The following PDE7B variants were observed in gnomAD, a reference collection of about 807,000 sequenced individuals.
PDE7B encodes the protein phosphodiesterase 7B, also known as 3',5'-cyclic-AMP phosphodiesterase 7B.
A neutral mutation model predicts 56.2 loss-of-function variants in PDE7B; 29 were observed. That is an observed-to-expected ratio of 0.52 (90% CI 0.38 to 0.70). The LOEUF is 0.70. PDE7B is among the 30% of genes least tolerant of loss of function. The probability of loss-of-function intolerance (pLI) is 0.00; values close to 1 mark genes in which losing one functional copy is unlikely to be tolerated. For synonymous variants in PDE7B, 197 were observed against 196.9 expected, an observed-to-expected ratio of 1.00 and a Z score of 0.00; for missense variants, 490 against 565.0, an observed-to-expected ratio of 0.87 and a Z score of 1.35.
intron 3 of PDE7B, among the ~76,000 whole-genome samples, chr6:136,118,626 G>T (rs1263056902): frequency 6.6e-6 from 1 of 152,182 alleles, no homozygotes; most frequent in South Asian, 2.1e-4. Context: ...ATATATAATC[G>T]CAGAGCACAA....
chr6:136,123,677 T>G (rs1027391047), intron 3 of PDE7B, among the ~76,000 whole-genome samples: 1 of 152,236 alleles, frequency 6.6e-6, no homozygotes, highest in Non-Finnish European at 1.5e-5. Context: ...ATAACTTAAC[T>G]CTTCCCCAGT....
chr6:135,959,167 AAAC>A (rs1774853670), intron 2 of PDE7B, among the ~76,000 whole-genome samples: 1 of 152,168 alleles, frequency 6.6e-6, no homozygotes, highest in Non-Finnish European at 1.5e-5. Flanking sequence ...ACATCATTCT[AAAC>A]AAGGACCTGA....
intron 1 of PDE7B, among the ~76,000 whole-genome samples, chr6:135,886,066 A>G (rs1388110664): frequency 6.6e-6 from 1 of 152,204 alleles, no homozygotes; most frequent in Non-Finnish European, 1.5e-5. Flanking sequence ...AACCCCCGTC[A>G]CATTTTCTGA....
chr6:136,042,182 T>C (rs937309107), intron 2 of PDE7B, among the ~76,000 whole-genome samples: 4 of 152,214 alleles, frequency 2.6e-5, no homozygotes, highest in Admixed American at 2.6e-4. Flanking sequence ...TCCCCAACTG[T>C]TATCAATAGA....
chr6:135,981,094 C>G (rs1449855790), intron 2 of PDE7B, among the ~76,000 whole-genome samples: 1 of 150,820 alleles, frequency 6.6e-6, no homozygotes, highest in Non-Finnish European at 1.5e-5. Context: ...CCATGGAATA[C>G]TATGCAGCCA....
intron 2 of PDE7B, chr6:136,044,668 C>T (rs770985965): frequency 2.0e-5 from 3 of 152,158 alleles, no homozygotes; most frequent in Admixed American, 1.3e-4. Context: ...AATTTTAGAG[C>T]AAATGCATGC....
intron 8 of PDE7B, among the ~76,000 whole-genome samples, chr6:136,168,655 G>C (rs1359119652): frequency 6.6e-6 from 1 of 151,760 alleles, no homozygotes; most frequent in Non-Finnish European, 1.5e-5. Flanking sequence ...TGAAAGGAAT[G>C]ATTGGGCACA....
At position 136,147,372 on chromosome 6, in the gene PDE7B, T is replaced by C. The variant is rs769377349; in HGVS notation, c.188T>C (p.Ile63Thr). 1.2e-5 allele frequency: 19 copies of C among 1,612,872 alleles called. No individual in the cohort carries two copies. In the South Asian group the frequency reaches 1.2e-4, roughly 10 times the overall value. Residue 63 changes from isoleucine to threonine, a missense_variant, in exon 4 of 13, where the codon ATT becomes ACT. Ile to Thr is a moderately conservative substitution (Grantham distance 89). Transcript: ENST00000308191. Reference sequence around the variant, plus strand: ...ACAGGTACAACATACTCAGGGGAGATTGGCACCAAGAAAAAGGTGAAAAGA... The same window carrying C: ...ACAGGTACAACATACTCAGGGGAGACTGGCACCAAGAAAAAGGTGAAAAGA... The part of the protein sequence containing the change: ...LLNSTTYSGE[I>T]GTKKKVKRLL...
intron 3 of PDE7B, among the ~76,000 whole-genome samples, chr6:136,139,432 G>A (rs1392279364): frequency 2.6e-5 from 4 of 152,132 alleles, no homozygotes; most frequent in Admixed American, 6.6e-5. Flanking sequence ...GTAAACATAC[G>A]TGTGCATGTG....
chr6:136,134,075 G>A (rs1436620863), intron 3 of PDE7B, among the ~76,000 whole-genome samples: 1 of 152,104 alleles, frequency 6.6e-6, no homozygotes, highest in Non-Finnish European at 1.5e-5. Flanking sequence ...CTTGGAGCAG[G>A]GGGCTGACAT....
At chr6:136,167,459 C>T (rs1778812685) in intron 8 of PDE7B, among the ~76,000 whole-genome samples, 1 of 152,026 alleles carries the variant, frequency 6.6e-6, no homozygotes, top group Non-Finnish European at 1.5e-5. Context: ...GGGGAGGTTT[C>T]CTGCACAAGC....
intron 3 of PDE7B, among the ~76,000 whole-genome samples, chr6:136,146,878 G>A (rs1778420987): frequency 6.6e-6 from 1 of 152,076 alleles, no homozygotes; most frequent in South Asian, 2.1e-4. Context: ...TAATATATAA[G>A]AAATACTAGT....
intron 8 of PDE7B, among the ~76,000 whole-genome samples, chr6:136,166,665 T>A (rs1337925644): frequency 6.6e-6 from 1 of 152,090 alleles, no homozygotes; most frequent in African/African-American, 2.4e-5. Context: ...AAATCATTCA[T>A]GAGAAACCAC....
chr6:136,109,692 C>A (rs567716303), intron 3 of PDE7B, among the ~76,000 whole-genome samples: 1 of 152,312 alleles, frequency 6.6e-6, no homozygotes, highest in Admixed American at 6.5e-5. Context: ...TTTTGCTCAA[C>A]CTTTGGTCCA....
At chr6:136,117,389 A>G (rs1323134487) in intron 3 of PDE7B, among the ~76,000 whole-genome samples, 2 of 152,174 alleles carry the variant, frequency 1.3e-5, no homozygotes, top group Non-Finnish European at 2.9e-5. Context: ...GTTTCAGAAT[A>G]TCTAAGGGAT....
At chr6:136,028,197 C>T (rs1776185528) in intron 2 of PDE7B, among the ~76,000 whole-genome samples, 1 of 152,150 alleles carries the variant, frequency 6.6e-6, no homozygotes, top group Non-Finnish European at 1.5e-5. Context: ...GGTTCAACAG[C>T]CTCTGCAATC....
chr6:136,014,907 T>C (rs1775950902), intron 2 of PDE7B, among the ~76,000 whole-genome samples: 1 of 152,218 alleles, frequency 6.6e-6, no homozygotes, highest in Non-Finnish European at 1.5e-5. Flanking sequence ...CGATTGCATG[T>C]GAGGAGCTGC....
At chr6:135,995,573 G>C (rs978968829) in intron 2 of PDE7B, among the ~76,000 whole-genome samples, 2 of 148,406 alleles carry the variant, frequency 1.3e-5, no homozygotes, top group Non-Finnish European at 2.9e-5. Flanking sequence ...GAGGAGAATA[G>C]AAAATTAGTG....
At chr6:135,911,522 G>T (rs1776212080) in intron 1 of PDE7B, among the ~76,000 whole-genome samples, 1 of 152,228 alleles carries the variant, frequency 6.6e-6, no homozygotes, top group South Asian at 2.1e-4. Flanking sequence ...GACTTTAGAT[G>T]CAAATCCTTG....
Sources: gnomAD v4.1 joint callset for allele counts (sites outside exome capture counted in the v4.1 genomes callset) on GRCh38, gnomAD v4.1.1 for gene constraint, MANE v1.5 for transcripts, NCBI Gene and HGNC (gene_info 2026-07-23, HGNC 2026-07-21) for gene names.